Variants in IL1RAPL2 observed in about 807,000 individuals in gnomAD.
IL1RAPL2 encodes interleukin 1 receptor accessory protein like 2, also known as X-linked interleukin-1 receptor accessory protein-like 2.
A neutral mutation model predicts 44.1 loss-of-function variants in IL1RAPL2; 3 were observed. The observed-to-expected ratio is 0.07, with a 90% CI of 0.03 to 0.18. The LOEUF is 0.18. IL1RAPL2 is among the 10% of genes least tolerant of loss of function. The pLI, the probability that IL1RAPL2 is intolerant of heterozygous loss-of-function variation, is 1.00. For missense variants in IL1RAPL2, 391 were observed against 496.4 expected (o/e 0.79, Z 2.02); for synonymous variants, 181 against 178.8 (o/e 1.01, Z -0.10).
chrX:104,971,758 C>G (rs1159565972), intron 2 of IL1RAPL2, among the ~76,000 whole-genome samples: 1 of 111,177 alleles, frequency 9.0e-6, no homozygotes, highest in African/African-American at 3.3e-5. Context: ...GCCACTAGTC[C>G]TATTGTTGCC....
chrX:104,826,230 G>C (rs761458453), intron 2 of IL1RAPL2, among the ~76,000 whole-genome samples: 2 of 111,747 alleles, frequency 1.8e-5, no homozygotes, highest in Middle Eastern at 4.6e-3. Context: ...GATCTTTCCT[G>C]CTTTCTCCTG....
At chrX:104,977,315 C>T (rs772465970) in intron 2 of IL1RAPL2, among the ~76,000 whole-genome samples, 1 of 112,251 alleles carries the variant, frequency 8.9e-6, no homozygotes, top group South Asian at 3.7e-4. Context: ...ACTGTGGACA[C>T]TTGCCTGTTC....
At chrX:105,568,729 A>T (rs1014148109) in intron 6 of IL1RAPL2, among the ~76,000 whole-genome samples, 11 of 112,251 alleles carry the variant, frequency 9.8e-5, no homozygotes, top group African/African-American at 3.6e-4. Context: ...CATTGTGGAA[A>T]ATATCAACTG....
At chrX:104,655,357 G>A (rs1009099660) in intron 1 of IL1RAPL2, among the ~76,000 whole-genome samples, 2 of 111,542 alleles carry the variant, frequency 1.8e-5, no homozygotes, top group South Asian at 3.8e-4. Context: ...TCAATACCTA[G>A]TTTATTGAGA....
chrX:105,309,600 C>CA (rs1432083666), intron 5 of IL1RAPL2, among the ~76,000 whole-genome samples: 2 of 108,534 alleles, frequency 1.8e-5, no homozygotes, highest in Non-Finnish European at 3.8e-5. Flanking sequence ...GGCGTGGTGG[C>CA]ACACGCCTGT....
At chrX:105,738,710 A>C (rs966805643) in intron 7 of IL1RAPL2, among the ~76,000 whole-genome samples, 1 of 111,225 alleles carries the variant, frequency 9.0e-6, no homozygotes, top group African/African-American at 3.3e-5. Context: ...CCCAGAAGGT[A>C]GCTGGTCGTT....
At chrX:104,758,610 G>A (rs1408331480) in intron 2 of IL1RAPL2, among the ~76,000 whole-genome samples, 1 of 111,704 alleles carries the variant, frequency 9.0e-6, no homozygotes, top group African/African-American at 3.2e-5. Context: ...GGGAATTGTA[G>A]TGGAAAAGCC....
chrX:104,789,606 A>G (rs998393695), intron 2 of IL1RAPL2, among the ~76,000 whole-genome samples: 3 of 112,310 alleles, frequency 2.7e-5, no homozygotes, highest in African/African-American at 9.7e-5. Flanking sequence ...CTCAAGCTAC[A>G]TTCTTCTATT....
chrX:104,637,473 T>G (rs764504312), intron 1 of IL1RAPL2, among the ~76,000 whole-genome samples: 1 of 111,223 alleles, frequency 9.0e-6, no homozygotes, highest in South Asian at 3.9e-4. Context: ...GCCTTTATTA[T>G]GTTGAGGTAT....
chrX:104,730,103 T>C (rs192883910), intron 2 of IL1RAPL2, among the ~76,000 whole-genome samples: 51 of 111,373 alleles, frequency 4.6e-4, no homozygotes, highest in African/African-American at 1.6e-3. Flanking sequence ...TATGAAGATA[T>C]ATATTTTAAA....
Position 105,477,101 on chromosome X carries a change from C to T in IL1RAPL2, c.698-7212C>T, listed in dbSNP as rs769266265. Among the ~76,000 whole-genome samples, 8 of 111,952 alleles carry T rather than the reference C, an allele frequency of 7.1e-5. No individual in the cohort carries two copies. In the South Asian group the frequency reaches 3.0e-3, roughly 42 times the overall value. The stretch of plus-strand genomic sequence containing the variant: ...TTGCAGCAGGTTTTGATCAGAGTCA[C>T]AACTTTGTGTGCCTAAAAGCAGGAT... On this transcript the variant is annotated intron_variant, in intron 5 of 10. Coordinates refer to ENST00000372582, the MANE Select transcript of IL1RAPL2 (RefSeq NM_017416.2).
intron 2 of IL1RAPL2, among the ~76,000 whole-genome samples, chrX:104,906,973 T>A (rs1924034117): frequency 9.0e-6 from 1 of 111,692 alleles, no homozygotes; most frequent in African/African-American, 3.3e-5. Flanking sequence ...ATTGCCACAA[T>A]TTCAGCTCCT....
intron 6 of IL1RAPL2, among the ~76,000 whole-genome samples, chrX:105,601,313 A>G (rs986755517): frequency 9.0e-6 from 1 of 111,267 alleles, no homozygotes; most frequent in African/African-American, 3.3e-5. Flanking sequence ...GAAGTGCCCA[A>G]TGCTCACCTC....
intron 5 of IL1RAPL2, among the ~76,000 whole-genome samples, chrX:105,471,472 A>G (rs1477719228): frequency 8.9e-6 from 1 of 112,067 alleles, no homozygotes; most frequent in East Asian, 2.8e-4. Context: ...CCTGATGCTA[A>G]TGAACATCAC....
At chrX:104,963,283 A>G (rs2030043456) in intron 2 of IL1RAPL2, among the ~76,000 whole-genome samples, 1 of 112,239 alleles carries the variant, frequency 8.9e-6, no homozygotes, top group Admixed American at 9.5e-5. Flanking sequence ...AAAAATTTGA[A>G]TAGTCTTAAG....
intron 2 of IL1RAPL2, among the ~76,000 whole-genome samples, chrX:105,067,245 C>T (rs986656473): frequency 2.7e-5 from 3 of 110,672 alleles, no homozygotes; most frequent in Non-Finnish European, 5.7e-5. Context: ...CACGTGTGCG[C>T]GCACATACAC....
chrX:105,272,597 G>C lies in IL1RAPL2; in HGVS notation c.697+5056G>C, dbSNP rs761810257. Among the ~76,000 whole-genome samples the C allele has an allele frequency of 1.3e-3, 148 of 111,976 alleles. 2 individuals carry two copies. Among genetic ancestry groups the C allele is most frequent in the African/African-American group, 4.2e-3 (129 of 30,884 alleles). ...TCTTAACCCATTGGCATTTGAATAT[G>C]ATGGCAAGAAGGATTTATTCCTTGA... On this transcript the variant is annotated intron_variant, in intron 5 of 10. Transcript: ENST00000372582.
chrX:104,672,102 T>C (rs1569293919), intron 2 of IL1RAPL2, among the ~76,000 whole-genome samples: 1 of 111,284 alleles, frequency 9.0e-6, no homozygotes, highest in Non-Finnish European at 1.9e-5. Context: ...TTGCTTTCTT[T>C]CTTTTTTTTT....
chrX:105,761,262 C>CAT (rs1465745457), intron 10 of IL1RAPL2, among the ~76,000 whole-genome samples: 1 of 104,714 alleles, frequency 9.5e-6, no homozygotes, highest in Non-Finnish European at 1.9e-5. Flanking sequence ...CACACACACA[C>CAT]GGCTAACTTA....
Sources: gnomAD v4.1 joint callset for allele counts (sites outside exome capture counted in the v4.1 genomes callset) on GRCh38, gnomAD v4.1.1 for gene constraint, MANE v1.5 for transcripts, NCBI Gene and HGNC (gene_info 2026-07-23, HGNC 2026-07-21) for gene names.